Variants in KIF3C observed in about 807,000 individuals in gnomAD.
KIF3C encodes kinesin-like protein KIF3C.
A neutral mutation model predicts 67.7 loss-of-function variants in KIF3C; 12 were observed. The observed-to-expected ratio is 0.18, with a 90% confidence interval of 0.11 to 0.29. KIF3C has a LOEUF of 0.29. Among genes scored for constraint, KIF3C ranks in the 10% least tolerant of loss-of-function variants. The probability of loss-of-function intolerance (pLI) is 1.00; values close to 1 mark genes in which losing one functional copy is unlikely to be tolerated. For missense variants in KIF3C, 789 were observed against 1,059.6 expected (o/e 0.74, Z 3.55); for synonymous variants, 393 against 426.2 (o/e 0.92, Z 0.96).
intron 5 of KIF3C, among the ~76,000 whole-genome samples, chr2:25,930,432 C>T (rs1261967588): frequency 2.0e-5 from 3 of 152,298 alleles, no homozygotes; most frequent in Non-Finnish European, 2.9e-5. Flanking sequence ...AATCTCAGCT[C>T]GCTGCAGCCT....
In KIF3C at chr2:25,980,907, G is replaced by C. The variant is rs1040947536; in HGVS notation, c.1011C>G (p.Ile337Met). Residue 337 changes from isoleucine to methionine, a missense_variant, in exon 1 of 8, where the codon ATC becomes ATG. Around this residue, in one of 2 missense-constraint regions of KIF3C, gnomAD observed 648 missense variants for 807.8 expected, o/e 0.80. Transcript: ENST00000264712. This position sits in a 1 kb window ranked among gnomAD's most constrained non-coding sequence, Gnocchi z 7.6. Reference sequence around the variant, plus strand: ...AAGCTGGCCCCAGTGTGGCTACCATGATGGTCTTGGCATTCCCCCCCAGGG... The same window carrying C: ...AAGCTGGCCCCAGTGTGGCTACCATCATGGTCTTGGCATTCCCCCCCAGGG... Reference protein sequence around the residue: ...QDSLGGNAKTIMVATLGPASH... With the variant: ...QDSLGGNAKTMMVATLGPASH... 6.2e-7 allele frequency: 1 copy of C among 1,614,230 alleles called. No individual in the cohort carries two copies. The highest frequency in any genetic ancestry group is 8.5e-7 in the Non-Finnish European group (1 of 1,180,026).
In KIF3C at chr2:25,956,371, T is replaced by C; in HGVS notation, c.1619A>G (p.Glu540Gly). Reference sequence around the variant, plus strand: ...CTCGGCAATCTCCTGCCTCTTCAGTTCCAACATCTTCTGCTGTTCGTTGGT... The same window carrying C: ...CTCGGCAATCTCCTGCCTCTTCAGTCCCAACATCTTCTGCTGTTCGTTGGT... Reference protein sequence around the residue: ...DHTNEQQKMLELKRQEIAEQK... With the variant: ...DHTNEQQKMLGLKRQEIAEQK... The change falls in exon 2 of 8, where the codon GAA becomes GGA. Residue 540 changes from glutamate (E) to glycine (G), a missense_variant. Coordinates refer to ENST00000264712, the MANE Select transcript of KIF3C (RefSeq NM_002254.8). 3 of 1,614,148 alleles carry C rather than the reference T, an allele frequency of 1.9e-6. No individual in the cohort carries two copies. Among genetic ancestry groups the C allele is most frequent in the Non-Finnish European group, 2.5e-6 (3 of 1,180,002 alleles).
At chr2:25,937,615 C>T (rs1160395349) in intron 5 of KIF3C, among the ~76,000 whole-genome samples, 1 of 152,208 alleles carries the variant, frequency 6.6e-6, no homozygotes, top group African/African-American at 2.4e-5. Flanking sequence ...TGCTTCTACA[C>T]AGTTCATCTG....
intron 5 of KIF3C, among the ~76,000 whole-genome samples, chr2:25,950,071 T>C (rs1173713016): frequency 6.6e-6 from 1 of 151,154 alleles, no homozygotes; most frequent in Non-Finnish European, 1.5e-5. Flanking sequence ...TTTGTATTTT[T>C]AGTAGAGACG....
chr2:25,943,505 C>T (rs939540111), intron 5 of KIF3C, among the ~76,000 whole-genome samples: 1 of 152,186 alleles, frequency 6.6e-6, no homozygotes, highest in Non-Finnish European at 1.5e-5. Flanking sequence ...ACCATCTTAT[C>T]TTGGCTTTAA....
At chr2:25,954,436 C>G (rs1239771849) in intron 3 of KIF3C, 51 bp from the exon 4 acceptor site, 1 of 1,370,052 alleles carries the variant, frequency 7.3e-7, no homozygotes, top group Non-Finnish European at 1.0e-6. Flanking sequence ...GCAACGAGGC[C>G]CCAGTCACCC....
At position 25,962,797 on chromosome 2, in the gene KIF3C, TATATAATATATAATATATATA is replaced by T. The variant is rs1455561252; in HGVS notation, c.1546-6374_1546-6354del. Among the ~76,000 whole-genome samples the T allele has an allele frequency of 7.5e-5, 6 of 79,860 alleles. No homozygotes were observed. In the South Asian group the frequency reaches 1.4e-3, roughly 19 times the overall value. 52.4% of individuals were successfully genotyped at this position (79,860 alleles called of 152,430 possible). On this transcript the variant is annotated intron_variant, in intron 1 of 7. Coordinates refer to ENST00000264712, the MANE Select transcript of KIF3C (RefSeq NM_002254.8). ...TATATGTTATATATATAATATATAT[TATATAATATATAATATATATA>T]ATATATAAAATATATAAAATATATA...
intron 1 of KIF3C, among the ~76,000 whole-genome samples, chr2:25,971,368 A>G (rs1363162718): frequency 2.0e-5 from 3 of 151,304 alleles, no homozygotes; most frequent in Non-Finnish European, 2.9e-5. Context: ...TGAACCCGGG[A>G]GGCAGAGCTT....
chr2:25,945,544 G>T (rs544652386), intron 5 of KIF3C, among the ~76,000 whole-genome samples: 2 of 144,358 alleles, frequency 1.4e-5, no homozygotes, highest in South Asian at 4.5e-4. Flanking sequence ...TCCAGCCTGG[G>T]TGACAGAGTG....
At chr2:25,941,556 T>TGA (rs1553713820) in intron 5 of KIF3C, among the ~76,000 whole-genome samples, 1 of 137,080 alleles carries the variant, frequency 7.3e-6, no homozygotes, top group Non-Finnish European at 1.6e-5. Flanking sequence ...TGTCTCTATT[T>TGA]AAAAAAAAAA....
intron 1 of KIF3C, among the ~76,000 whole-genome samples, chr2:25,977,945 T>C (rs775196975): frequency 2.0e-5 from 3 of 152,170 alleles, no homozygotes; most frequent in Non-Finnish European, 4.4e-5. Context: ...TATGGAATCA[T>C]TCCTGTTGTG....
intron 5 of KIF3C, among the ~76,000 whole-genome samples, chr2:25,948,044 C>A (rs1663492480): frequency 6.6e-6 from 1 of 152,028 alleles, no homozygotes; most frequent in African/African-American, 2.4e-5. Context: ...TGGAAGAAAG[C>A]AAACTTTTAA....
At position 25,931,877 on chromosome 2, in the gene KIF3C, C is replaced by T. The variant is rs2090462011; in HGVS notation, c.2007-1814G>A. On this transcript the variant is annotated intron_variant, in intron 5 of 7. Coordinates refer to ENST00000264712, the MANE Select transcript of KIF3C (RefSeq NM_002254.8). Reference sequence around the variant, plus strand: ...TCGAACTCCTGACCTCAAGTGATCTCCCTGCCTTGGCCTCCCAAAGTACTG... The same window carrying T: ...TCGAACTCCTGACCTCAAGTGATCTTCCTGCCTTGGCCTCCCAAAGTACTG... Among the ~76,000 whole-genome samples, 5 of 149,580 alleles carry T rather than the reference C, an allele frequency of 3.3e-5. No homozygotes were observed. The South Asian group carries it at 1.1e-3, about 31-fold the overall frequency.
rs201266236 is a variant in KIF3C at position 25,955,659 on chromosome 2, C to T, written c.1652G>A (p.Arg551His). Reference protein sequence around the residue: ...LKRQEIAEQKRREREMQQEMM... With the variant: ...LKRQEIAEQKHREREMQQEMM... Reference sequence around the variant, plus strand: ...CTCCTGCTGCATCTCCCGCTCACGACGTTTCTAGGCCAAGGACGGGCAGTG... The same window carrying T: ...CTCCTGCTGCATCTCCCGCTCACGATGTTTCTAGGCCAAGGACGGGCAGTG... The change falls in exon 3 of 8, where the codon CGT becomes CAT. Residue 551 changes from arginine to histidine, a missense_variant. By Grantham distance (29) the Arg-to-His change is conservative. Around this residue, in one of 2 missense-constraint regions of KIF3C, gnomAD observed 648 missense variants for 807.8 expected, o/e 0.80. Transcript: ENST00000264712. This position sits in a 1 kb window ranked among gnomAD's most constrained non-coding sequence, Gnocchi z 5.0. 34 of 1,613,986 alleles carry T rather than the reference C, an allele frequency of 2.1e-5. No homozygotes were observed. Among genetic ancestry groups the T allele is most frequent in the South Asian group, 3.3e-5 (3 of 91,090 alleles).
In KIF3C at chr2:25,980,679, C is replaced by A. The variant is rs765023645; in HGVS notation, c.1239G>T (p.Lys413Asn). Residue 413 changes from lysine (K) to asparagine (N), a missense_variant, in exon 1 of 8, where the codon AAG (lysine) becomes AAT (asparagine). Transcript: ENST00000264712. The surrounding 1 kb of genome is among the most constrained non-coding windows in gnomAD (Gnocchi z 7.6). ...RPRRKSSRRK[K>N]AVSAPPGYPE... ...GGTACCCAGGCGGGGCGGACACGGC[C>A]TTCTTCCTGCGGCTGCTCTTCCTCC... 6.2e-7 allele frequency: 1 copy of A among 1,614,162 alleles called. No individual in the cohort carries two copies. Among genetic ancestry groups the A allele is most frequent in the Non-Finnish European group, 8.5e-7 (1 of 1,180,038 alleles).
intron 1 of KIF3C, among the ~76,000 whole-genome samples, chr2:25,975,026 C>CA (rs1196962529): frequency 0.016 from 1,812 of 116,426 alleles, 80 homozygotes; most frequent in African/African-American, 0.049. Context: ...AACTCCATCT[C>CA]AAAAAAAAAA....
chr2:25,932,627 G>GT (rs2090470919), intron 5 of KIF3C, among the ~76,000 whole-genome samples: 1 of 149,794 alleles, frequency 6.7e-6, no homozygotes, highest in South Asian at 2.1e-4. Flanking sequence ...GAGGTCAGGA[G>GT]TTTGAGACCA....
chr2:25,960,389 G>A (rs1477245000), intron 1 of KIF3C, among the ~76,000 whole-genome samples: 12 of 152,022 alleles, frequency 7.9e-5, no homozygotes, highest in Non-Finnish European at 1.5e-4. Flanking sequence ...CATTTTTCCA[G>A]TGAAAGCTCA....
Position 25,981,258 on chromosome 2 carries a change from G to T in KIF3C, c.660C>A (p.Phe220Leu). Reference protein sequence around the residue: ...NEVSSRSHAIFIITVECSERG... With the variant: ...NEVSSRSHAILIITVECSERG... ...GTTCGCTGCACTCCACAGTGATGAT[G>T]AAGATGGCATGGGAGCGGGAGCTGA... Residue 220 changes from phenylalanine to leucine, a missense_variant, in exon 1 of 8, where the codon TTC (phenylalanine) becomes TTA (leucine). Transcript: ENST00000264712. The surrounding 1 kb of genome is among the most constrained non-coding windows in gnomAD (Gnocchi z 8.2). The T allele has an allele frequency of 6.2e-7, 1 of 1,614,222 alleles. No homozygotes were observed. The highest frequency in any genetic ancestry group is 1.1e-5 in the South Asian group (1 of 91,092).
Sources: gnomAD v4.1 joint callset for allele counts (sites outside exome capture counted in the v4.1 genomes callset) on GRCh38, gnomAD v4.1.1 for gene constraint, gnomAD v4.1.1 regional missense constraint, Gnocchi (gnomAD v3.1) non-coding constraint, MANE v1.5 for transcripts, NCBI Gene and HGNC (gene_info 2026-07-23, HGNC 2026-07-21) for gene names.